The following MSH4 variants were observed in gnomAD, a reference collection of about 807,000 sequenced individuals.
MSH4 encodes mutS protein homolog 4.
A neutral mutation model predicts 113.7 loss-of-function variants in MSH4; 106 were observed. The ratio of observed to expected loss-of-function variants is 0.93; its 90% confidence interval spans 0.80 to 1.10. The LOEUF is 1.10. Among genes scored for constraint, MSH4 ranks in the 50% least tolerant of loss-of-function variants. The pLI is 0.00. For synonymous variants in MSH4, 368 were observed against 380.2 expected, an observed-to-expected ratio of 0.97 and a Z score of 0.37; for missense variants, 1,061 against 1,093.7, an observed-to-expected ratio of 0.97 and a Z score of 0.42.
intron 1 of MSH4, among the ~76,000 whole-genome samples, chr1:75,801,798 A>G (rs1649942806): frequency 6.6e-6 from 1 of 151,984 alleles, no homozygotes; most frequent in African/African-American, 2.4e-5. Flanking sequence ...TGAGCCCATG[A>G]GCTTGAGGCT....
intron 17 of MSH4, among the ~76,000 whole-genome samples, chr1:75,892,685 T>C (rs774919809): frequency 1.2e-4 from 18 of 152,122 alleles, no homozygotes; most frequent in Non-Finnish European, 2.2e-4. Context: ...AGGATTCAAA[T>C]TGCCAGCTCG....
At chr1:75,881,482 C>A in intron 14 of MSH4, 112 bp downstream of exon 14, 1 of 1,112,510 alleles carries the variant, frequency 9.0e-7, no homozygotes, top group Non-Finnish European at 1.3e-6. Context: ...AATAGAGTCT[C>A]TTGCCTCTGG....
chr1:75,816,418 A>G lies in MSH4; in HGVS notation c.861A>G (p.Glu287=). Residue 287 remains glutamate (E), a synonymous_variant, in exon 6 of 20, where the codon GAA becomes GAG. Coordinates refer to ENST00000263187, the MANE Select transcript of MSH4 (RefSeq NM_002440.4). Reference sequence around the variant, plus strand: ...TTGCAGCTTTGTTAAAATATGTTGAATTTATTCAAAATTCAGTTTATGCAC... The same window carrying G: ...TTGCAGCTTTGTTAAAATATGTTGAGTTTATTCAAAATTCAGTTTATGCAC... ...AAVAALLKYV[E]FIQNSVYAPK... 6.2e-7 allele frequency: 1 copy of G among 1,608,660 alleles called. No individual in the cohort carries two copies. The highest frequency in any genetic ancestry group is 8.5e-7 in the Non-Finnish European group (1 of 1,176,702).
chr1:75,821,087 A>G (rs1026374923), intron 6 of MSH4, among the ~76,000 whole-genome samples: 21 of 151,700 alleles, frequency 1.4e-4, no homozygotes, highest in Non-Finnish European at 2.8e-4. Context: ...TCCACCCCAA[A>G]TCAACAGAAT....
intron 8 of MSH4, among the ~76,000 whole-genome samples, chr1:75,857,620 G>A (rs1651349415): frequency 6.6e-6 from 1 of 152,104 alleles, no homozygotes; most frequent in South Asian, 2.1e-4. Context: ...TTATTTCTGA[G>A]GCCTCCGTTC....
chr1:75,825,365 T>G (rs907152834), intron 7 of MSH4, among the ~76,000 whole-genome samples: 12 of 152,154 alleles, frequency 7.9e-5, no homozygotes, highest in African/African-American at 2.9e-4. Flanking sequence ...GTTTTTGGGC[T>G]GAGACGATGG....
In MSH4 at chr1:75,844,941, G is replaced by A. The variant is rs114441375; in HGVS notation, c.1163-3268G>A. ...GGGCCTTCTTGATGCATCATCCCAC[G>A]CCAAAAGGCAGAAGGACAAGAGAGC... On this transcript the variant is annotated intron_variant, in intron 7 of 19. Coordinates refer to ENST00000263187, the MANE Select transcript of MSH4 (RefSeq NM_002440.4). Among the ~76,000 whole-genome samples, 320 of 152,288 alleles carry A rather than the reference G, an allele frequency of 2.1e-3. 2 individuals are homozygous for A. In the South Asian group the frequency reaches 0.022, roughly 11 times the overall value.
chr1:75,837,592 T>C (rs1308547280), intron 7 of MSH4, among the ~76,000 whole-genome samples: 1 of 152,082 alleles, frequency 6.6e-6, no homozygotes, highest in Non-Finnish European at 1.5e-5. Flanking sequence ...TTCTCCATGT[T>C]GGCCAGGCTG....
At chr1:75,842,217 T>G (rs1224575305) in intron 7 of MSH4, among the ~76,000 whole-genome samples, 1 of 152,202 alleles carries the variant, frequency 6.6e-6, no homozygotes. Context: ...CTGGGAATGT[T>G]CAGGTTAAGA....
chr1:75,835,511 A>G (rs1650808634), intron 7 of MSH4, among the ~76,000 whole-genome samples: 1 of 152,198 alleles, frequency 6.6e-6, no homozygotes, highest in Admixed American at 6.5e-5. Flanking sequence ...ACTTTCTGCT[A>G]CCAAATATGC....
Position 75,912,682 on chromosome 1 carries a change from T to A in MSH4, c.2620-14T>A. On this transcript the variant is annotated splice_polypyrimidine_tract_variant and intron_variant, in intron 19 of 19. Transcript: ENST00000263187. ...TGTGTATATATATATATATTTTTTTTTTTTCAATGACAGCAAAACCAAAGG... is the reference window on the plus strand; with the variant it reads ...TGTGTATATATATATATATTTTTTTATTTTCAATGACAGCAAAACCAAAGG... 1.4e-6 allele frequency: 2 copies of A among 1,420,270 alleles called. No homozygotes were observed. The highest frequency in any genetic ancestry group is 1.8e-6 in the Non-Finnish European group (2 of 1,082,966). 88.0% of individuals were successfully genotyped at this position (1,420,270 alleles called of 1,614,324 possible).
At chr1:75,820,351 A>T (rs1461812348) in intron 6 of MSH4, among the ~76,000 whole-genome samples, 1 of 152,158 alleles carries the variant, frequency 6.6e-6, no homozygotes, top group Non-Finnish European at 1.5e-5. Context: ...GTTAGGGAGG[A>T]TTCCCTCTTT....
intron 6 of MSH4, among the ~76,000 whole-genome samples, chr1:75,820,080 T>C (rs1209829947): frequency 7.0e-6 from 1 of 142,484 alleles, no homozygotes; most frequent in Non-Finnish European, 1.6e-5. Flanking sequence ...GTCTTGTACT[T>C]GTCATCAGAA....
At chr1:75,814,858 A>G (rs1144339) in intron 4 of MSH4, among the ~76,000 whole-genome samples, 163 bp from the exon 5 acceptor site, 131,689 of 152,218 alleles carry the variant, frequency 0.87, 57,191 homozygotes, top group South Asian at 0.94. Flanking sequence ...ACTTAGCAAG[A>G]ATAATCATTC....
chr1:75,797,281 C>A, intron 1 of MSH4, 52 bp downstream of exon 1: 2 of 1,555,774 alleles, frequency 1.3e-6, no homozygotes, highest in South Asian at 2.3e-5. Flanking sequence ...GCCGGCAGTT[C>A]ATGGAGGCTC....
At chr1:75,828,403 A>C (rs922076752) in intron 7 of MSH4, among the ~76,000 whole-genome samples, 7 of 152,240 alleles carry the variant, frequency 4.6e-5, no homozygotes, top group African/African-American at 1.7e-4. Flanking sequence ...ACATGGAATG[A>C]ACCCAGGTGC....
chr1:75,858,811 C>G (rs1370970697), intron 8 of MSH4, among the ~76,000 whole-genome samples: 1 of 152,086 alleles, frequency 6.6e-6, no homozygotes, highest in Non-Finnish European at 1.5e-5. Flanking sequence ...CCCTCTTTTT[C>G]TATTGATCGG....
chr1:75,911,562 TG>T (rs1373487601), intron 19 of MSH4, among the ~76,000 whole-genome samples: 1 of 152,274 alleles, frequency 6.6e-6, no homozygotes, highest in East Asian at 1.9e-4. Flanking sequence ...ACAAGCCTTT[TG>T]TTTTTTTAAC....
At chr1:75,806,701 CTCT>C (rs1650076278) in intron 2 of MSH4, among the ~76,000 whole-genome samples, 1 of 152,122 alleles carries the variant, frequency 6.6e-6, no homozygotes, top group South Asian at 2.1e-4. Flanking sequence ...AGCCACCTTA[CTCT>C]TCTTTAGAGG....
Sources: allele counts gnomAD v4.1 joint callset (sites outside exome capture counted in the v4.1 genomes callset), GRCh38; gene constraint gnomAD v4.1.1; transcripts MANE v1.5; gene names NCBI Gene and HGNC (gene_info 2026-07-23, HGNC 2026-07-21).